Variants in NCOR1 observed in about 807,000 individuals in gnomAD.
NCOR1 encodes protein phosphatase 1, regulatory subunit 109.
Under a neutral mutation model 288.1 loss-of-function variants are expected in NCOR1, and 63 were observed. The ratio of observed to expected loss-of-function variants is 0.22; its 90% CI spans 0.18 to 0.27. The LOEUF is 0.27. NCOR1 is among the 10% of genes least tolerant of loss of function. The pLI, the probability that NCOR1 is intolerant of heterozygous loss-of-function variation, is 1.00. For missense variants in NCOR1, 2,397 were observed against 3,019.2 expected (o/e 0.79, Z 4.83); for synonymous variants, 1,007 against 1,065.9 (o/e 0.94, Z 1.08).
intron 9 of NCOR1, among the ~76,000 whole-genome samples, chr17:16,147,463 GAAGT>G (rs199977002): frequency 0.011 from 1,601 of 152,248 alleles, 14 homozygotes; most frequent in Non-Finnish European, 0.016. Flanking sequence ...TGCTTTTAGA[GAAGT>G]AAGTGAATTA....
At chr17:16,188,800 G>A (rs1259854236) in intron 2 of NCOR1, among the ~76,000 whole-genome samples, 1 of 151,512 alleles carries the variant, frequency 6.6e-6, no homozygotes, top group South Asian at 2.1e-4. Context: ...CAAGGCAGGC[G>A]GATCCCTTGA....
rs115730505 is a variant in NCOR1, at chr17:16,187,501, C to T, written c.109-814G>A. Among the ~76,000 whole-genome samples, 618 of 148,812 alleles carry T rather than the reference C, an allele frequency of 4.2e-3. 7 individuals carry two copies. The highest frequency in any genetic ancestry group is 0.015 in the African/African-American group (598 of 40,330). On this transcript the variant is annotated intron_variant, in intron 2 of 45. Coordinates refer to ENST00000268712, the MANE Select transcript of NCOR1 (RefSeq NM_006311.4). ...ATTCAGCCTTAAAAAAGGAGAGATG[C>T]TAGAACACAGACAAACATAGAAAAC... is the stretch of plus-strand genomic sequence containing the variant.
chr17:16,104,835 G>C lies in NCOR1; in HGVS notation c.2183-3078C>G, dbSNP rs1005421746. 2.6e-5 allele frequency among the ~76,000 whole-genome samples: 4 copies of C among 152,294 alleles called. No homozygotes were observed. In the East Asian group the frequency reaches 7.7e-4, roughly 29 times the overall value. On this transcript the variant is annotated intron_variant, in intron 19 of 45. Transcript: ENST00000268712. ...AGTGCAGTGACTAAACGACAAAACTGAGAAAGAAGTGGGTGAGGAGGTATT... is the reference window on the plus strand; with the variant it reads ...AGTGCAGTGACTAAACGACAAAACTCAGAAAGAAGTGGGTGAGGAGGTATT...
intron 44 of NCOR1, among the ~76,000 whole-genome samples, chr17:16,036,224 T>TA (rs1458626225): frequency 6.6e-6 from 1 of 152,228 alleles, no homozygotes; most frequent in East Asian, 1.9e-4. Context: ...CTTGGGTGAC[T>TA]AAGTGGATTG....
chr17:16,139,102 T>A lies in NCOR1; in HGVS notation c.1258A>T (p.Met420Leu), dbSNP rs2076820570. ...ATAGGGTCCTCCATAAGCCCATTCA[T>A]GTTAATGAACTTGACTCGTCTTTGT... is the stretch of plus-strand genomic sequence containing the variant. ...AEQRRVKFIN[M>L]NGLMEDPMKV... Residue 420 changes from methionine to leucine, a missense_variant, in exon 12 of 46, where the codon ATG becomes TTG. Physicochemically the swap from Met to Leu is conservative, Grantham distance 15. Around this residue, in one of 11 missense-constraint regions of NCOR1, gnomAD observed 80 missense variants for 100.3 expected, o/e 0.80. Coordinates refer to ENST00000268712, the MANE Select transcript of NCOR1 (RefSeq NM_006311.4). The A allele has an allele frequency of 3.1e-6, 5 of 1,613,580 alleles. No homozygotes were observed. The East Asian group carries it at 1.1e-4, about 36-fold the overall frequency.
At chr17:16,175,192 GCC>G (rs908720676) in intron 3 of NCOR1, among the ~76,000 whole-genome samples, 6 of 151,976 alleles carry the variant, frequency 3.9e-5, no homozygotes, top group African/African-American at 1.4e-4. Context: ...CAAGGTGAAA[GCC>G]CGTCTCTACA....
At chr17:16,204,508 T>C (rs1436374574) in intron 1 of NCOR1, among the ~76,000 whole-genome samples, 2 of 152,264 alleles carry the variant, frequency 1.3e-5, no homozygotes, top group African/African-American at 2.4e-5. Context: ...TGACAACCAA[T>C]GTTTCCAAGT....
chr17:16,116,827 A>G (rs2071698384), intron 18 of NCOR1, among the ~76,000 whole-genome samples: 1 of 152,374 alleles, frequency 6.6e-6, no homozygotes, highest in Admixed American at 6.5e-5. Context: ...GACATTCTTA[A>G]GTGACATTTT....
At chr17:16,188,757 G>C (rs1451858271) in intron 2 of NCOR1, among the ~76,000 whole-genome samples, 1 of 152,004 alleles carries the variant, frequency 6.6e-6, no homozygotes, top group Admixed American at 6.6e-5. Flanking sequence ...AGGTGCTATG[G>C]CTCACACTTG....
chr17:16,108,949 TA>T, intron 18 of NCOR1, 37 bp from the exon 19 acceptor site: 2 of 1,488,538 alleles, frequency 1.3e-6, no homozygotes. Context: ...TTTAAATAAC[TA>T]AAAAGAAAAA....
At chr17:16,129,969 G>C (rs1460458441) in intron 14 of NCOR1, among the ~76,000 whole-genome samples, 1 of 152,162 alleles carries the variant, frequency 6.6e-6, no homozygotes, top group East Asian at 1.9e-4. Flanking sequence ...CTGGTGCTAG[G>C]GAATAAGAAA....
Position 16,030,086 on chromosome 17 carries a change from A to G in NCOR1, c.*2210T>C, listed in dbSNP as rs945680746. ...GCTGACCAGAAGTCTTACGGATAAC[A>G]TAGTCGATTGACACATATTTTGTAT... On this transcript the variant is annotated 3_prime_UTR_variant, in exon 46 of 46. Coordinates refer to ENST00000268712, the MANE Select transcript of NCOR1 (RefSeq NM_006311.4). 1.1e-5 allele frequency: 2 copies of G among 178,758 alleles called. No individual in the cohort carries two copies. Among genetic ancestry groups the G allele is most frequent in the African/African-American group, 2.4e-5 (1 of 42,340 alleles). 11.1% of individuals were successfully genotyped at this position (178,758 alleles called of 1,614,324 possible). A position where few individuals can be genotyped will look rare whatever the true frequency, so the allele number is the denominator to read the frequency against.
intron 1 of NCOR1, among the ~76,000 whole-genome samples, chr17:16,208,206 A>ATTT (rs757019446): frequency 0.3 from 19,865 of 65,178 alleles, 4,296 homozygotes; most frequent in Non-Finnish European, 0.41. Flanking sequence ...ATGCCCAGCT[A>ATTT]TTTTTTTTTT....
At chr17:16,033,785 TG>T (rs112550586) in intron 45 of NCOR1, among the ~76,000 whole-genome samples, 8 of 152,274 alleles carry the variant, frequency 5.3e-5, no homozygotes, top group African/African-American at 1.9e-4. Flanking sequence ...GTAAATGTAG[TG>T]AACGTACAGA....
chr17:16,119,899 A>T (rs1256154536), intron 16 of NCOR1, among the ~76,000 whole-genome samples: 1 of 152,018 alleles, frequency 6.6e-6, no homozygotes, highest in East Asian at 1.9e-4. Flanking sequence ...AAACTCCTGG[A>T]GCCCCTTTAG....
At chr17:16,049,032 C>G in intron 40 of NCOR1, 44 bp from the exon 41 acceptor site, 2 of 1,522,278 alleles carry the variant, frequency 1.3e-6, no homozygotes, top group Non-Finnish European at 8.9e-7. Context: ...CAAAGGCTAA[C>G]CTGGGACTTA....
intron 4 of NCOR1, 125 bp from the exon 5 acceptor site, chr17:16,165,286 T>C (rs1244503424): frequency 7.3e-6 from 5 of 683,908 alleles, no homozygotes; most frequent in Admixed American, 3.6e-5. Flanking sequence ...ATGAAACTTT[T>C]AGTAGTAACT....
At chr17:16,118,167 T>G in intron 17 of NCOR1, 140 bp from the exon 18 acceptor site, 1 of 819,682 alleles carries the variant, frequency 1.2e-6, no homozygotes, top group Non-Finnish European at 1.9e-6. Context: ...CATATATACT[T>G]TGATACTTAT....
At chr17:16,101,873 T>A (rs2285580) in intron 19 of NCOR1, 116 bp from the exon 20 acceptor site, 1 of 1,310,194 alleles carries the variant, frequency 7.6e-7, no homozygotes. Flanking sequence ...AGAAACCATG[T>A]TTGAAAGTAG....
Sources: gnomAD v4.1 joint callset for allele counts (sites outside exome capture counted in the v4.1 genomes callset) on GRCh38, gnomAD v4.1.1 for gene constraint, gnomAD v4.1.1 regional missense constraint, MANE v1.5 for transcripts, NCBI Gene and HGNC (gene_info 2026-07-23, HGNC 2026-07-21) for gene names.